Variants in MARK4 observed in about 807,000 individuals in gnomAD.
MARK4 encodes the protein microtubule affinity regulating kinase 4.
A neutral mutation model predicts 81.5 loss-of-function variants in MARK4; 19 were observed. The observed-to-expected ratio is 0.23, with a 90% CI of 0.16 to 0.34. The LOEUF is 0.34. Ranked by LOEUF, MARK4 falls within the 10% of genes least tolerant of loss-of-function variation. MARK4 has a pLI of 1.00. For synonymous variants in MARK4, 436 were observed against 439.0 expected, an observed-to-expected ratio of 0.99 and a Z score of 0.08; for missense variants, 772 against 1,058.8, an observed-to-expected ratio of 0.73 and a Z score of 3.76.
intron 15 of MARK4, among the ~76,000 whole-genome samples, chr19:45,299,588 C>A (rs538631210): frequency 6.6e-6 from 1 of 152,268 alleles, no homozygotes; most frequent in South Asian, 2.1e-4. Context: ...TCCCTTTCAT[C>A]TTCCACATTC....
intron 7 of MARK4, among the ~76,000 whole-genome samples, chr19:45,267,306 G>C (rs898596374): frequency 6.6e-6 from 1 of 152,242 alleles, no homozygotes; most frequent in Non-Finnish European, 1.5e-5. Flanking sequence ...TGATCCACCT[G>C]CCTCGGTCTC....
At chr19:45,293,845 C>T (rs1266592602) in intron 13 of MARK4, among the ~76,000 whole-genome samples, 3 of 152,124 alleles carry the variant, frequency 2.0e-5, no homozygotes, top group African/African-American at 7.2e-5. Flanking sequence ...GGAGGAGGCA[C>T]GTGACTCAGC....
intron 2 of MARK4, among the ~76,000 whole-genome samples, chr19:45,259,555 A>G (rs1022147762): frequency 6.6e-6 from 1 of 152,168 alleles, no homozygotes; most frequent in Non-Finnish European, 1.5e-5. Flanking sequence ...TGAGCTCAGG[A>G]GTTTGAGACC....
Position 45,299,870 on chromosome 19 carries a change from C to T in MARK4, c.1922+15C>T. 1 of 1,588,560 alleles carries T rather than the reference C, an allele frequency of 6.3e-7. No individual in the cohort carries two copies. Among genetic ancestry groups the T allele is most frequent in the Non-Finnish European group, 8.6e-7 (1 of 1,163,170 alleles). ...GAGGTCACAAGGTGAGTGCTTGGGC[C>T]TACCCCTGACTGCCACTTCCCCTCT... On this transcript the variant is annotated intron_variant, in intron 16 of 16. Transcript: ENST00000262891.
intron 8 of MARK4, among the ~76,000 whole-genome samples, chr19:45,273,117 G>C (rs1309463520): frequency 6.6e-6 from 1 of 150,916 alleles, no homozygotes; most frequent in Non-Finnish European, 1.5e-5. Context: ...GGAGGTGTGG[G>C]CTGAGTTGTT....
intron 13 of MARK4, among the ~76,000 whole-genome samples, chr19:45,293,561 C>G (rs1235517993): frequency 2.6e-5 from 4 of 152,226 alleles, no homozygotes; most frequent in African/African-American, 9.6e-5. Flanking sequence ...TGAAAACCTT[C>G]CCTATAAAGA....
intron 1 of MARK4, 65 bp downstream of exon 1, chr19:45,251,704 T>C (rs1408562997): frequency 7.1e-7 from 1 of 1,405,316 alleles, no homozygotes; most frequent in East Asian, 2.9e-5. Context: ...TTCTCCCCGT[T>C]GTACCCCTCG....
In MARK4 at chr19:45,297,759, G is replaced by A. The variant is rs1172545611; in HGVS notation, c.1682G>A (p.Arg561His). The A allele has an allele frequency of 1.9e-6, 3 of 1,581,524 alleles. No homozygotes were observed. The highest frequency in any genetic ancestry group is 1.7e-6 in the Non-Finnish European group (2 of 1,167,248). Residue 561 changes from arginine to histidine, a missense_variant, in exon 15 of 17, where the codon CGT (arginine) becomes CAT (histidine). Arg to His is a conservative substitution (Grantham distance 29, BLOSUM62 0). Around this residue, in one of 3 missense-constraint regions of MARK4, gnomAD observed 548 missense variants for 624.3 expected, o/e 0.88. Transcript: ENST00000262891. Reference protein sequence around the residue: ...PPSGERSRLARGSTIRSTFHG... With the variant: ...PPSGERSRLAHGSTIRSTFHG... ...TCAGGGGAGCGGAGCCGCCTGGCACGTGGTTCCACCATCCGCAGCACCTTC... is the reference window on the plus strand; with the variant it reads ...TCAGGGGAGCGGAGCCGCCTGGCACATGGTTCCACCATCCGCAGCACCTTC...
intron 13 of MARK4, among the ~76,000 whole-genome samples, chr19:45,289,222 A>G (rs994892068): frequency 6.6e-6 from 1 of 151,796 alleles, no homozygotes; most frequent in Non-Finnish European, 1.5e-5. Context: ...CCCCATCTAT[A>G]CTAAAAATAC....
At chr19:45,297,048 C>A (rs1440354737) in intron 14 of MARK4, among the ~76,000 whole-genome samples, 1,206 of 89,098 alleles carry the variant, frequency 0.014, no homozygotes, top group East Asian at 0.017. Flanking sequence ...GACTCTGTCT[C>A]AAAAAAAAAA....
intron 8 of MARK4, among the ~76,000 whole-genome samples, chr19:45,273,009 T>C (rs1483615698): frequency 6.6e-6 from 1 of 152,164 alleles, no homozygotes; most frequent in African/African-American, 2.4e-5. Flanking sequence ...AGACTAACAT[T>C]CCTACTGGGG....
intron 13 of MARK4, among the ~76,000 whole-genome samples, chr19:45,291,488 A>C (rs1335496487): frequency 6.6e-6 from 1 of 152,232 alleles, no homozygotes; most frequent in Non-Finnish European, 1.5e-5. Flanking sequence ...TGTACAAAAA[A>C]TACAAAAATT....
chr19:45,299,152 G>A (rs344804), intron 15 of MARK4, among the ~76,000 whole-genome samples: 1 of 151,838 alleles, frequency 6.6e-6, no homozygotes, highest in African/African-American at 2.4e-5. Context: ...AAATGGGCAG[G>A]CCTCTGGATG....
chr19:45,266,133 C>T, intron 6 of MARK4, 92 bp from the exon 7 acceptor site: 4 of 1,341,576 alleles, frequency 3.0e-6, no homozygotes, highest in Non-Finnish European at 4.3e-6. Flanking sequence ...TTGGGGAGGC[C>T]TGGGGCCCAG....
intron 8 of MARK4, among the ~76,000 whole-genome samples, chr19:45,274,450 G>A (rs1189110238): frequency 2.0e-5 from 3 of 151,528 alleles, no homozygotes; most frequent in African/African-American, 7.3e-5. Flanking sequence ...GGCCAACATG[G>A]TAAAACCCCG....
intron 16 of MARK4, among the ~76,000 whole-genome samples, chr19:45,301,813 C>CG (rs1381183463): frequency 1.3e-5 from 2 of 148,870 alleles, no homozygotes; most frequent in Non-Finnish European, 1.5e-5. Flanking sequence ...TGTGGTGAGC[C>CG]GAGATCGTTC....
intron 12 of MARK4, among the ~76,000 whole-genome samples, chr19:45,283,133 G>A (rs2057291824): frequency 6.6e-6 from 1 of 151,938 alleles, no homozygotes; most frequent in Admixed American, 6.6e-5. Flanking sequence ...TTCCAGGCAG[G>A]GCATGGTGGC....
At chr19:45,257,558 A>G (rs1041662933) in intron 1 of MARK4, among the ~76,000 whole-genome samples, 2 of 149,414 alleles carry the variant, frequency 1.3e-5, no homozygotes, top group African/African-American at 4.9e-5. Context: ...TAATTTTTGT[A>G]TTTTTAGTAG....
intron 12 of MARK4, among the ~76,000 whole-genome samples, chr19:45,282,859 G>C (rs1970694544): frequency 6.6e-6 from 1 of 151,912 alleles, no homozygotes; most frequent in Non-Finnish European, 1.5e-5. Context: ...AGGTGTGGTA[G>C]TACACGCCTG....
Sources: allele counts gnomAD v4.1 joint callset (sites outside exome capture counted in the v4.1 genomes callset), GRCh38; gene constraint gnomAD v4.1.1; regional missense constraint gnomAD v4.1.1; transcripts MANE v1.5; gene names NCBI Gene and HGNC (gene_info 2026-07-23, HGNC 2026-07-21).